UBXN7: variants seen among roughly 807,000 people sequenced by gnomAD.
UBXN7 encodes UBX domain-containing protein 7.
In UBXN7, 9 loss-of-function variants were observed where a neutral mutation model predicts 58.0. The observed-to-expected ratio is 0.16, with a 90% CI of 0.09 to 0.27. The LOEUF (loss-of-function observed/expected upper bound fraction) is 0.27. UBXN7 is among the 10% of genes least tolerant of loss of function. The pLI, the probability that UBXN7 is intolerant of heterozygous loss-of-function variation, is 1.00. For synonymous variants in UBXN7, 208 were observed against 205.0 expected, an observed-to-expected ratio of 1.01 and a Z score of -0.12; for missense variants, 328 against 599.6, an observed-to-expected ratio of 0.55 and a Z score of 4.73.
At chr3:196,357,303 C>G (rs1384044227) in intron 10 of UBXN7, among the ~76,000 whole-genome samples, 2 of 152,140 alleles carry the variant, frequency 1.3e-5, no homozygotes, top group East Asian at 3.9e-4. Flanking sequence ...TCAACATCTC[C>G]CTCTCTGCTT....
rs75873266 is a variant in UBXN7 at position 196,356,448 on chromosome 3, G to T, written c.*237C>A. On this transcript the variant is annotated 3_prime_UTR_variant, in exon 11 of 11. Coordinates refer to ENST00000296328, the MANE Select transcript of UBXN7 (RefSeq NM_015562.2). ...CAGATTAGGTAAGAAAGAAAAGTGT[G>T]GGGGGAGGGGGAGGCAGAAGGGTAC... The T allele has an allele frequency of 5.1e-5, 20 of 389,368 alleles. 1 individual carries two copies. The South Asian group carries it at 6.3e-4, about 12-fold the overall frequency. 24.1% of individuals were successfully genotyped at this position (389,368 alleles called of 1,614,324 possible).
intron 1 of UBXN7, among the ~76,000 whole-genome samples, chr3:196,427,837 A>T (rs969461931): frequency 3.3e-5 from 5 of 152,218 alleles, no homozygotes; most frequent in Non-Finnish European, 7.3e-5. Flanking sequence ...CACAGAAAGC[A>T]TCAGTGGGGC....
rs1275955937 is a variant in UBXN7, at chr3:196,350,339, A to G, written c.*6346T>C. 1.3e-5 allele frequency: 2 copies of G among 152,234 alleles called. No homozygotes were observed. The highest frequency in any genetic ancestry group is 2.9e-5 in the Non-Finnish European group (2 of 68,044). The allele number at this position is 152,234 out of a possible 1,614,324, so 9.4% of individuals were successfully genotyped here. A position where few individuals can be genotyped will look rare whatever the true frequency, so the allele number is the denominator to read the frequency against. On this transcript the variant is annotated 3_prime_UTR_variant, in exon 11 of 11. Transcript: ENST00000296328. Reference sequence around the variant, plus strand: ...AAAGAGGGTGGGGTATCACAGAGCTAGCCATTCTCTATATGAAACCAGAGA... The same window carrying G: ...AAAGAGGGTGGGGTATCACAGAGCTGGCCATTCTCTATATGAAACCAGAGA...
chr3:196,348,002 T>G lies in UBXN7; in HGVS notation c.*8683A>C, dbSNP rs1728126074. ...CTTCTGGAAATTATTACCTATAGAC[T>G]AGGTAGATCTATAGGTAGATCACAC... is the stretch of plus-strand genomic sequence containing the variant. On this transcript the variant is annotated 3_prime_UTR_variant, in exon 11 of 11. Coordinates refer to ENST00000296328, the MANE Select transcript of UBXN7 (RefSeq NM_015562.2). 1 of 152,154 alleles carries G rather than the reference T, an allele frequency of 6.6e-6. No homozygotes were observed. 9.4% of individuals were successfully genotyped at this position (152,154 alleles called of 1,614,324 possible). A position where few individuals can be genotyped will look rare whatever the true frequency, so the allele number is the denominator to read the frequency against.
chr3:196,365,845 C>G (rs1036034666), intron 8 of UBXN7, among the ~76,000 whole-genome samples: 1 of 149,980 alleles, frequency 6.7e-6, no homozygotes, highest in Non-Finnish European at 1.5e-5. Flanking sequence ...AATTTTCCAC[C>G]AAAAAAAAAC....
At chr3:196,420,898 T>C (rs1237651958) in intron 1 of UBXN7, among the ~76,000 whole-genome samples, 2 of 152,152 alleles carry the variant, frequency 1.3e-5, no homozygotes, top group East Asian at 3.8e-4. Context: ...GAAACCAAAG[T>C]ATAGCAGTCA....
chr3:196,408,677 C>T (rs1186302076), intron 1 of UBXN7, among the ~76,000 whole-genome samples: 1 of 152,128 alleles, frequency 6.6e-6, no homozygotes, highest in Non-Finnish European at 1.5e-5. Context: ...GACAGTTTTA[C>T]TGGGTATTCC....
chr3:196,427,217 A>C (rs1052036899), intron 1 of UBXN7, among the ~76,000 whole-genome samples: 1 of 152,192 alleles, frequency 6.6e-6, no homozygotes, highest in Non-Finnish European at 1.5e-5. Flanking sequence ...TGTCAGCCCA[A>C]AGTTGGTGCT....
rs1207712287 is a variant in UBXN7 at position 196,348,074 on chromosome 3, T to C, written c.*8611A>G. 1 of 152,172 alleles carries C rather than the reference T, an allele frequency of 6.6e-6. No individual in the cohort carries two copies. Among genetic ancestry groups the C allele is most frequent in the African/African-American group, 2.4e-5 (1 of 41,440 alleles). The allele number at this position is 152,172 out of a possible 1,614,324, so 9.4% of individuals were successfully genotyped here. On this transcript the variant is annotated 3_prime_UTR_variant, in exon 11 of 11. Coordinates refer to ENST00000296328, the MANE Select transcript of UBXN7 (RefSeq NM_015562.2). Reference sequence around the variant, plus strand: ...GGTTTTAGAGCAAGTGGAAGTTCCATTGAGTCTTAGCCAGTAGTTACAACT... The same window carrying C: ...GGTTTTAGAGCAAGTGGAAGTTCCACTGAGTCTTAGCCAGTAGTTACAACT...
At chr3:196,357,898 T>C (rs1417057825) in intron 10 of UBXN7, among the ~76,000 whole-genome samples, 1 of 151,320 alleles carries the variant, frequency 6.6e-6, no homozygotes, top group Non-Finnish European at 1.5e-5. Flanking sequence ...CCGGGCATGG[T>C]GGTGTGTGCC....
At chr3:196,367,910 C>A (rs1728714311) in intron 8 of UBXN7, 118 bp downstream of exon 8, 3 of 1,374,136 alleles carry the variant, frequency 2.2e-6, no homozygotes, top group Admixed American at 2.3e-5. Context: ...GCTATAGCCA[C>A]AGTGATAGTT....
intron 5 of UBXN7, among the ~76,000 whole-genome samples, chr3:196,390,046 C>T (rs1729528787): frequency 6.6e-6 from 1 of 151,906 alleles, no homozygotes; most frequent in South Asian, 2.1e-4. Flanking sequence ...AGCAAGACCC[C>T]CTCTCCACAA....
chr3:196,380,932 G>A (rs1236894694), intron 5 of UBXN7, among the ~76,000 whole-genome samples: 3 of 152,258 alleles, frequency 2.0e-5, no homozygotes, highest in Non-Finnish European at 4.4e-5. Context: ...TGAGGGAGGG[G>A]CGTCCGCCAT....
intron 1 of UBXN7, among the ~76,000 whole-genome samples, chr3:196,410,195 C>A (rs1480022464): frequency 6.6e-6 from 1 of 152,152 alleles, no homozygotes; most frequent in East Asian, 1.9e-4. Flanking sequence ...CCGCCTTGGC[C>A]TCCCAAAGTG....
intron 1 of UBXN7, among the ~76,000 whole-genome samples, chr3:196,425,812 T>C (rs1730831849): frequency 6.6e-6 from 1 of 152,228 alleles, no homozygotes; most frequent in Admixed American, 6.5e-5. Flanking sequence ...AGAAACATCT[T>C]CCAGATTTTA....
chr3:196,393,179 TTCC>T (rs1162414176), intron 4 of UBXN7, among the ~76,000 whole-genome samples: 1 of 152,228 alleles, frequency 6.6e-6, no homozygotes, highest in Non-Finnish European at 1.5e-5. Context: ...GGCATGGCTT[TTCC>T]TCCTATTTTT....
chr3:196,429,430 C>T (rs1730953246), intron 1 of UBXN7, among the ~76,000 whole-genome samples: 1 of 151,718 alleles, frequency 6.6e-6, no homozygotes, highest in Non-Finnish European at 1.5e-5. Context: ...TTCAATTTTC[C>T]GTTCTATTTC....
intron 10 of UBXN7, among the ~76,000 whole-genome samples, chr3:196,360,433 AT>A (rs1298292669): frequency 6.6e-6 from 1 of 152,154 alleles, no homozygotes; most frequent in Admixed American, 6.5e-5. Flanking sequence ...ACATTCCAAA[AT>A]CCCAGGTCCC....
chr3:196,370,723 A>T (rs1728801941), intron 6 of UBXN7, among the ~76,000 whole-genome samples: 1 of 151,818 alleles, frequency 6.6e-6, no homozygotes, highest in Non-Finnish European at 1.5e-5. Flanking sequence ...TTCACAAAAT[A>T]AAAAATAAAA....
Sources: allele counts gnomAD v4.1 joint callset (sites outside exome capture counted in the v4.1 genomes callset), GRCh38; gene constraint gnomAD v4.1.1; transcripts MANE v1.5; gene names NCBI Gene and HGNC (gene_info 2026-07-23, HGNC 2026-07-21).